The following NRG4 variants were observed in gnomAD, a reference collection of about 807,000 sequenced individuals.
NRG4 encodes pro-neuregulin-4, membrane-bound isoform.
NRG4 carries 10 observed loss-of-function variants against 15.0 expected under a neutral mutation model. The observed-to-expected ratio is 0.67, with a 90% CI of 0.41 to 1.13. The LOEUF is 1.13. NRG4 is among the 50% of genes most tolerant of loss of function. The pLI is 0.00. For missense variants in NRG4, 139 were observed against 140.2 expected, an observed-to-expected ratio of 0.99 and a Z score of 0.04; for synonymous variants, 41 against 50.1, an observed-to-expected ratio of 0.82 and a Z score of 0.77.
At chr15:76,037,019 G>A (rs941779604) in intron 4 of NRG4, among the ~76,000 whole-genome samples, 1 of 152,092 alleles carries the variant, frequency 6.6e-6, no homozygotes, top group African/African-American at 2.4e-5. Context: ...AACTGTTTGA[G>A]CTAATAAACT....
chr15:75,988,246 C>T (rs558084949), intron 3 of NRG4, among the ~76,000 whole-genome samples: 117 of 152,162 alleles, frequency 7.7e-4, no homozygotes, highest in Non-Finnish European at 1.4e-3. Flanking sequence ...AGTGCAGTGG[C>T]GCGATCTCGG....
At chr15:76,044,110 G>C (rs948813192) in intron 4 of NRG4, among the ~76,000 whole-genome samples, 6 of 151,928 alleles carry the variant, frequency 3.9e-5, no homozygotes, top group African/African-American at 1.5e-4. Flanking sequence ...CCATTCTCCT[G>C]CCTCAGCCTC....
At chr15:76,001,294 G>A (rs2034405902) in intron 3 of NRG4, among the ~76,000 whole-genome samples, 1 of 151,788 alleles carries the variant, frequency 6.6e-6, no homozygotes, top group Non-Finnish European at 1.5e-5. Flanking sequence ...ACCATGCCTG[G>A]CCCCAATTTT....
chr15:75,954,266 T>TTG (rs1028199358), intron 5 of NRG4, among the ~76,000 whole-genome samples: 14 of 123,952 alleles, frequency 1.1e-4, no homozygotes, highest in African/African-American at 4.6e-4. Flanking sequence ...TGTTTTTTTG[T>TTG]TTTTTTTTTT....
At chr15:75,951,694 C>T (rs2031912948) in intron 5 of NRG4, among the ~76,000 whole-genome samples, 1 of 152,136 alleles carries the variant, frequency 6.6e-6, no homozygotes, top group Non-Finnish European at 1.5e-5. Context: ...TGACATTCAG[C>T]ATAAGAACCT....
intron 3 of NRG4, among the ~76,000 whole-genome samples, chr15:75,979,168 T>C (rs2033496747): frequency 6.6e-6 from 1 of 152,222 alleles, no homozygotes; most frequent in Non-Finnish European, 1.5e-5. Flanking sequence ...ACCTGTGCTT[T>C]TGAGGTCTTA....
intron 4 of NRG4, among the ~76,000 whole-genome samples, chr15:75,960,419 A>G (rs900118123): frequency 6.6e-6 from 1 of 152,170 alleles, no homozygotes; most frequent in African/African-American, 2.4e-5. Flanking sequence ...TTATCTCATG[A>G]TTCTGTGGGT....
At chr15:76,030,264 C>G (rs1024040546) in intron 5 of NRG4, among the ~76,000 whole-genome samples, 4 of 150,132 alleles carry the variant, frequency 2.7e-5, no homozygotes, top group Non-Finnish European at 5.9e-5. Context: ...GTCTCAAAAA[C>G]AACAACAACA....
chr15:76,012,021 T>G (rs1255557320), intron 1 of NRG4: 10 of 152,140 alleles, frequency 6.6e-5, no homozygotes, highest in Non-Finnish European at 1.3e-4. Context: ...ATACTTACAT[T>G]ATGATTACAA....
chr15:76,050,944 C>T (rs2035993012), intron 4 of NRG4, among the ~76,000 whole-genome samples: 1 of 149,760 alleles, frequency 6.7e-6, no homozygotes, highest in South Asian at 2.1e-4. Context: ...TAGCCAGGAC[C>T]ACAGGTGTGT....
In NRG4 at chr15:75,961,852, A is replaced by G. The variant is rs148963998; in HGVS notation, c.227T>C (p.Ile76Thr). Residue 76 changes from isoleucine (I) to threonine (T), a missense_variant, in exon 4 of 6, where the codon ATT becomes ACT. By Grantham distance (89) the Ile-to-Thr change is moderately conservative. Coordinates refer to ENST00000394907, the MANE Select transcript of NRG4 (RefSeq NM_138573.4). ...VALAVLVTLIIGAFYFLCRKG... is the reference protein window; with the variant it reads ...VALAVLVTLITGAFYFLCRKG... Reference sequence around the variant, plus strand: ...CCTGCAAAGGAAGTAGAAGGCTCCAATGATAAGTGTTACTAGGACCGCCAA... The same window carrying G: ...CCTGCAAAGGAAGTAGAAGGCTCCAGTGATAAGTGTTACTAGGACCGCCAA... The G allele has an allele frequency of 6.8e-6, 11 of 1,613,416 alleles. No individual in the cohort carries two copies. The highest frequency in any genetic ancestry group is 9.3e-6 in the Non-Finnish European group (11 of 1,179,570).
intron 3 of NRG4, among the ~76,000 whole-genome samples, chr15:75,994,085 G>A (rs918134882): frequency 6.6e-6 from 1 of 152,072 alleles, no homozygotes; most frequent in African/African-American, 2.4e-5. Flanking sequence ...CAGACCTTAC[G>A]AGTGACATGT....
downstream of NRG4, chr15:75,938,592 A>C (rs2030611048): frequency 6.6e-6 from 1 of 152,228 alleles, no homozygotes; most frequent in South Asian, 2.1e-4. Context: ...TAGGCATTAT[A>C]AAAAAATTCT....
chr15:75,991,571 T>C (rs1318341813), intron 3 of NRG4, among the ~76,000 whole-genome samples: 2 of 152,100 alleles, frequency 1.3e-5, no homozygotes, highest in Non-Finnish European at 2.9e-5. Flanking sequence ...TTTTCTATCA[T>C]TATCAATTAG....
At chr15:75,959,092 C>G in intron 4 of NRG4, 1 of 383,596 alleles carries the variant, frequency 2.6e-6, no homozygotes, top group Non-Finnish European at 5.2e-6. Flanking sequence ...AGCGATCTTC[C>G]CATCTCAGCC....
At chr15:76,039,279 G>A (rs1596052775) in intron 4 of NRG4, among the ~76,000 whole-genome samples, 1 of 152,114 alleles carries the variant, frequency 6.6e-6, no homozygotes, top group African/African-American at 2.4e-5. Flanking sequence ...AATAAGGTGC[G>A]AGGCCAATCC....
rs1040509654 is a variant in NRG4 at position 75,941,270 on chromosome 15, TAAAA to T, written c.*2364_*2367del. 4.6e-5 allele frequency: 7 copies of T among 152,060 alleles called. No individual in the cohort carries two copies. Among genetic ancestry groups the T allele is most frequent in the African/African-American group, 9.7e-5 (4 of 41,426 alleles). 9.4% of individuals were successfully genotyped at this position (152,060 alleles called of 1,614,324 possible). On this transcript the variant is annotated 3_prime_UTR_variant, in exon 6 of 6. Coordinates refer to ENST00000394907, the MANE Select transcript of NRG4 (RefSeq NM_138573.4). ...CCACTGGGATAGCTCTTATTAAAAT[TAAAA>T]AAACACACAAGTGTTGGCAAGGATG...
chr15:75,991,288 T>A (rs1010019149), intron 3 of NRG4, among the ~76,000 whole-genome samples: 2 of 152,174 alleles, frequency 1.3e-5, no homozygotes, highest in African/African-American at 4.8e-5. Context: ...TTTGTTCCTA[T>A]AGAATTTTAA....
At chr15:76,044,131 G>C (rs1193514195) in intron 4 of NRG4, among the ~76,000 whole-genome samples, 1 of 151,900 alleles carries the variant, frequency 6.6e-6, no homozygotes, top group Non-Finnish European at 1.5e-5. Flanking sequence ...CCGAGTAGCT[G>C]GGACTACAAG....
Sources: allele counts gnomAD v4.1 joint callset (sites outside exome capture counted in the v4.1 genomes callset), GRCh38; gene constraint gnomAD v4.1.1; transcripts MANE v1.5; gene names NCBI Gene and HGNC (gene_info 2026-07-23, HGNC 2026-07-21).